TERB1: variants seen among roughly 807,000 people sequenced by gnomAD.
The protein encoded by TERB1 is telomere repeats-binding bouquet formation protein 1.
TERB1 carries 63 observed loss-of-function variants against 92.3 expected under a neutral mutation model. The observed-to-expected ratio is 0.68, with a 90% CI of 0.56 to 0.84. The LOEUF (loss-of-function observed/expected upper bound fraction) is 0.84, where lower values mean the gene tolerates loss of function less well. TERB1 is among the 40% of genes least tolerant of loss of function. The probability of loss-of-function intolerance (pLI) is 0.00; values close to 1 mark genes in which losing one functional copy is unlikely to be tolerated. For synonymous variants in TERB1, 252 were observed against 283.9 expected, an observed-to-expected ratio of 0.89 and a Z score of 1.13; for missense variants, 709 against 843.7, an observed-to-expected ratio of 0.84 and a Z score of 1.98.
rs1836525426 is a variant in TERB1 at position 66,772,509 on chromosome 16, T to C, written c.1272+80A>G. The C allele has an allele frequency of 1.8e-5, 23 of 1,260,252 alleles. No individual in the cohort carries two copies. The South Asian group carries it at 3.2e-4, about 17-fold the overall frequency. The allele number at this position is 1,260,252 out of a possible 1,614,324, so 78.1% of individuals were successfully genotyped here. On this transcript the variant is annotated intron_variant, in intron 13 of 18. Transcript: ENST00000433154. Reference sequence around the variant, plus strand: ...AAAAAATTAACAAAAAATTTATATGTCAGTGTAGTATGGAGAAAAAAGAAA... The same window carrying C: ...AAAAAATTAACAAAAAATTTATATGCCAGTGTAGTATGGAGAAAAAAGAAA...
chr16:66,781,008 G>A (rs2018626507), intron 9 of TERB1, among the ~76,000 whole-genome samples: 1 of 152,050 alleles, frequency 6.6e-6, no homozygotes, highest in African/African-American at 2.4e-5. Context: ...GTATCTCCAT[G>A]GGATTTTAAT....
chr16:66,772,839 T>G, intron 12 of TERB1, 90 bp from the exon 13 acceptor site: 4 of 1,027,262 alleles, frequency 3.9e-6, no homozygotes, highest in Non-Finnish European at 5.5e-6. Context: ...CTCCTTTCTC[T>G]AAATTTTTCC....
chr16:66,769,109 A>AAAAAAG (rs1171378947), intron 14 of TERB1, among the ~76,000 whole-genome samples: 1 of 152,042 alleles, frequency 6.6e-6, no homozygotes, highest in Non-Finnish European at 1.5e-5. Context: ...TTCTCAAAAA[A>AAAAAAG]AAAAAGAAAA....
At chr16:66,774,612 T>A (rs1347458643) in intron 12 of TERB1, among the ~76,000 whole-genome samples, 1 of 152,092 alleles carries the variant, frequency 6.6e-6, no homozygotes, top group African/African-American at 2.4e-5. Context: ...ATACTGCTGC[T>A]CTCTTCCACA....
intron 9 of TERB1, among the ~76,000 whole-genome samples, chr16:66,783,831 A>C (rs2018677481): frequency 6.6e-6 from 1 of 152,212 alleles, no homozygotes; most frequent in Admixed American, 6.5e-5. Flanking sequence ...TTCTAGACTC[A>C]AGTGATCCTC....
intron 16 of TERB1, among the ~76,000 whole-genome samples, chr16:66,763,374 T>C (rs2018285208): frequency 6.6e-6 from 1 of 152,218 alleles, no homozygotes; most frequent in African/African-American, 2.4e-5. Flanking sequence ...TACTATAGTT[T>C]CTCAAAGGCT....
chr16:66,788,030 C>T, intron 6 of TERB1, 139 bp downstream of exon 6: 1 of 577,284 alleles, frequency 1.7e-6, no homozygotes, highest in South Asian at 3.2e-5. Flanking sequence ...CACTGCACTC[C>T]ACCTTGGGTG....
At position 66,767,420 on chromosome 16, in the gene TERB1, C is replaced by A; in HGVS notation, c.1775G>T (p.Cys592Phe). The A allele has an allele frequency of 2.0e-6, 3 of 1,503,018 alleles. No individual in the cohort carries two copies. The highest frequency in any genetic ancestry group is 2.7e-6 in the Non-Finnish European group (3 of 1,119,408). 93.1% of individuals were successfully genotyped at this position (1,503,018 alleles called of 1,614,324 possible). A position where few individuals can be genotyped will look rare whatever the true frequency, so the allele number is the denominator to read the frequency against. ...GCAATTAAAAAAATACTTACCTGAG[C>A]ACCTATACGTCAACATTTCGGAACA... The part of the protein sequence containing the change: ...PSCSEMLTYR[C>F]SGCIAVEKSL... The change falls in exon 16 of 19, where the codon TGC becomes TTC. Residue 592 changes from cysteine to phenylalanine, a missense_variant. Physicochemically the swap from Cys to Phe is radical, Grantham distance 205. Coordinates refer to ENST00000433154, the MANE Select transcript of TERB1 (RefSeq NM_001136505.2).
Position 66,754,783 on chromosome 16 carries a change from G to T in TERB1, c.*193C>A. ...TATGAAGGAATTTTCTTACTAATCTGTACACTGATGATATATTTGCTTTAT... is the reference window on the plus strand; with the variant it reads ...TATGAAGGAATTTTCTTACTAATCTTTACACTGATGATATATTTGCTTTAT... On this transcript the variant is annotated 3_prime_UTR_variant, in exon 19 of 19. Transcript: ENST00000433154. 1 of 582,530 alleles carries T rather than the reference G, an allele frequency of 1.7e-6. No individual in the cohort carries two copies. The highest frequency in any genetic ancestry group is 2.3e-5 in the South Asian group (1 of 42,980). The allele number at this position is 582,530 out of a possible 1,614,324, so 36.1% of individuals were successfully genotyped here.
chr16:66,798,630 T>C (rs1959213561), intron 2 of TERB1, among the ~76,000 whole-genome samples: 1 of 152,192 alleles, frequency 6.6e-6, no homozygotes, highest in Admixed American at 6.5e-5. Context: ...AAAAAGAGTA[T>C]AAGACTCAAT....
intron 12 of TERB1, among the ~76,000 whole-genome samples, chr16:66,773,052 G>A (rs570306540): frequency 5.3e-5 from 8 of 151,950 alleles, no homozygotes; most frequent in Non-Finnish European, 1.0e-4. Context: ...TTTTAGGCCC[G>A]GCACAGTGGC....
chr16:66,783,863 T>TG (rs780783560), intron 9 of TERB1, among the ~76,000 whole-genome samples: 2 of 152,242 alleles, frequency 1.3e-5, no homozygotes, highest in Non-Finnish European at 2.9e-5. Context: ...TCCCAATAGC[T>TG]GGGACTACAG....
chr16:66,773,088 G>GGATGCC (rs2018480869), intron 12 of TERB1, among the ~76,000 whole-genome samples: 3 of 151,846 alleles, frequency 2.0e-5, no homozygotes, highest in Admixed American at 2.0e-4. Flanking sequence ...TTGCATTTTG[G>GGATGCC]GATGCCGAGG....
chr16:66,755,146 T>G lies in TERB1; in HGVS notation c.2014A>C (p.Lys672Gln). Residue 672 changes from lysine (K) to glutamine (Q), a missense_variant, in exon 19 of 19, where the codon AAA (lysine) becomes CAA (glutamine). Lys to Gln is a moderately conservative substitution (Grantham distance 53). Coordinates refer to ENST00000433154, the MANE Select transcript of TERB1 (RefSeq NM_001136505.2). ...TTTACTTCTTCTTCAGTAAAGTTTT[T>G]GCGAATTCTTCTTTTTTCTATAATT... ...PGGIKKRRIR[K>Q]NFTEEEVNYL... The G allele has an allele frequency of 6.5e-7, 1 of 1,539,494 alleles. No homozygotes were observed. Among genetic ancestry groups the G allele is most frequent in the Non-Finnish European group, 8.8e-7 (1 of 1,136,944 alleles).
intron 5 of TERB1, among the ~76,000 whole-genome samples, chr16:66,789,740 G>A (rs1325180078): frequency 1.5e-5 from 2 of 134,538 alleles, no homozygotes; most frequent in Non-Finnish European, 3.1e-5. Context: ...GTCTTACTCT[G>A]TGGTCTGTCA....
At chr16:66,797,623 C>CCACA (rs71145942) in intron 2 of TERB1, among the ~76,000 whole-genome samples, 18,216 of 140,748 alleles carry the variant, frequency 0.13, 1,479 homozygotes, top group African/African-American at 0.24. Context: ...TAAAAACACA[C>CCACA]CACACACACA....
intron 18 of TERB1, among the ~76,000 whole-genome samples, chr16:66,755,855 T>C (rs1347433425): frequency 6.6e-6 from 1 of 152,142 alleles, no homozygotes; most frequent in African/African-American, 2.4e-5. Flanking sequence ...CATAACTTGA[T>C]AGAATAGAAA....
chr16:66,777,069 C>G (rs1271477556), intron 11 of TERB1, 134 bp downstream of exon 11: 2 of 732,330 alleles, frequency 2.7e-6, no homozygotes, highest in Non-Finnish European at 4.2e-6. Context: ...GCTGAAATGA[C>G]TAGTTTGAGG....
At chr16:66,794,369 G>C (rs1039239474) in intron 3 of TERB1, among the ~76,000 whole-genome samples, 1 of 151,976 alleles carries the variant, frequency 6.6e-6, no homozygotes, top group Admixed American at 6.6e-5. Flanking sequence ...CAAAGTGCTG[G>C]GATTATAAGT....
Sources: gnomAD v4.1 joint callset for allele counts (sites outside exome capture counted in the v4.1 genomes callset) on GRCh38, gnomAD v4.1.1 for gene constraint, MANE v1.5 for transcripts, NCBI Gene and HGNC (gene_info 2026-07-23, HGNC 2026-07-21) for gene names.